The following NUTM2E variants were observed in gnomAD, a reference collection of about 807,000 sequenced individuals.
The protein encoded by NUTM2E is family with sequence similarity 22, member E.
NUTM2E carries 3 observed loss-of-function variants against 26.1 expected under a neutral mutation model. The observed-to-expected ratio is 0.12, with a 90% CI of 0.05 to 0.30. NUTM2E has a LOEUF of 0.30. Among genes scored for constraint, NUTM2E ranks in the 10% least tolerant of loss-of-function variants. The probability of loss-of-function intolerance (pLI) is 1.00; values close to 1 mark genes in which losing one functional copy is unlikely to be tolerated. For synonymous variants in NUTM2E, 13 were observed against 157.5 expected, an observed-to-expected ratio of 0.08 and a Z score of 6.87; for missense variants, 62 against 381.3, an observed-to-expected ratio of 0.16 and a Z score of 6.97.
chr10:79,838,659 C>A (rs1232572130), intron 2 of NUTM2E, among the ~76,000 whole-genome samples, 73 bp downstream of exon 2: 1 of 151,382 alleles, frequency 6.6e-6, no homozygotes, highest in Non-Finnish European at 1.5e-5. Context: ...ACGCTTCCGC[C>A]TTGAGCACAG....
In NUTM2E at chr10:79,827,007, G is replaced by GTCGCCTCGCCTCGCC. The variant is rs57348880; in HGVS notation, c.-3076_-3062dup. The GTCGCCTCGCCTCGCC allele has an allele frequency of 1.6e-4, 18 of 113,854 alleles. No homozygotes were observed. Among genetic ancestry groups the GTCGCCTCGCCTCGCC allele is most frequent in the South Asian group, 3.5e-4 (1 of 2,872 alleles). The allele number at this position is 113,854 out of a possible 1,614,324, so 7.1% of individuals were successfully genotyped here. A position where few individuals can be genotyped will look rare whatever the true frequency, so the allele number is the denominator to read the frequency against. On this transcript the variant is annotated 5_prime_UTR_variant, in exon 1 of 10. Coordinates refer to ENST00000429984, the MANE Select transcript of NUTM2E (RefSeq NM_001355263.2). ...GTTCTCCCTAAGCACCCTCGCTCAC[G>GTCGCCTCGCCTCGCC]TCGCCTCGCCTCGCCTGACCGGCCG...
chr10:79,834,400 T>G lies in NUTM2E; in HGVS notation c.-2727-3909T>G, dbSNP rs1246054707. The stretch of plus-strand genomic sequence containing the variant: ...TAATATTTCTCACCTTTTCTAGATA[T>G]AAATTTAATTCACAGTTGGGCAGGG... On this transcript the variant is annotated intron_variant, in intron 1 of 9. Coordinates refer to ENST00000429984, the MANE Select transcript of NUTM2E (RefSeq NM_001355263.2). Among the ~76,000 whole-genome samples, 3 of 151,784 alleles carry G rather than the reference T, an allele frequency of 2.0e-5. No homozygotes were observed. The East Asian group carries it at 5.8e-4, about 29-fold the overall frequency.
At chr10:79,827,800 TTTTTTTTTG>T (rs1157520017) in intron 1 of NUTM2E, among the ~76,000 whole-genome samples, 1 of 141,254 alleles carries the variant, frequency 7.1e-6, no homozygotes, top group Non-Finnish European at 1.6e-5. Flanking sequence ...TTTTTGTTTT[TTTTTTTTTG>T]TTTTTTTTTG....
intron 1 of NUTM2E, among the ~76,000 whole-genome samples, chr10:79,837,461 T>C (rs1226771695): frequency 3.3e-5 from 5 of 152,182 alleles, no homozygotes; most frequent in Non-Finnish European, 5.9e-5. Context: ...TAGTTTTGAT[T>C]TGATGAGCAA....
chr10:79,843,838 C>T (rs1277252955), intron 4 of NUTM2E, among the ~76,000 whole-genome samples: 11 of 140,316 alleles, frequency 7.8e-5, no homozygotes, highest in East Asian at 2.1e-4. Flanking sequence ...ACCACCAGGC[C>T]GCTGAGAGAC....
At chr10:79,833,637 A>G (rs567030957) in intron 1 of NUTM2E, among the ~76,000 whole-genome samples, 11 of 151,882 alleles carry the variant, frequency 7.2e-5, no homozygotes, top group African/African-American at 2.7e-4. Flanking sequence ...TCATTACAGA[A>G]ATGCAAATCA....
chr10:79,840,165 A>T lies in NUTM2E; in HGVS notation c.-1576A>T, dbSNP rs1401952927. On this transcript the variant is annotated 5_prime_UTR_variant, in exon 4 of 10. Coordinates refer to ENST00000429984, the MANE Select transcript of NUTM2E (RefSeq NM_001355263.2). The stretch of plus-strand genomic sequence containing the variant: ...TCTGAGTATGATATTTTGCTTCAAC[A>T]TCCCTCTTAGATGAAGTTATTGATT... Among the ~76,000 whole-genome samples, 5 of 129,136 alleles carry T rather than the reference A, an allele frequency of 3.9e-5. No homozygotes were observed. The highest frequency in any genetic ancestry group is 3.2e-4 in the Admixed American group (4 of 12,650). The allele number at this position is 129,136 out of a possible 152,430, so 84.7% of individuals were successfully genotyped here.
rs1248498156 is a variant in NUTM2E, at chr10:79,847,211, C to A, written c.1211+253C>A. On this transcript the variant is annotated intron_variant, in intron 6 of 9. Transcript: ENST00000429984. ...CCTGCCTTGACACTGGAGGTCATGGCAGGAGCAGCCAGCATCACAGCCCAA... is the reference window on the plus strand; with the variant it reads ...CCTGCCTTGACACTGGAGGTCATGGAAGGAGCAGCCAGCATCACAGCCCAA... Among the ~76,000 whole-genome samples the A allele has an allele frequency of 6.9e-3, 787 of 114,562 alleles. 15 individuals carry two copies. Among genetic ancestry groups the A allele is most frequent in the African/African-American group, 0.02 (739 of 36,300 alleles). The allele number at this position is 114,562 out of a possible 152,430, so 75.2% of individuals were successfully genotyped here. A position where few individuals can be genotyped will look rare whatever the true frequency, so the allele number is the denominator to read the frequency against.
chr10:79,830,490 C>T (rs4933854), intron 1 of NUTM2E, among the ~76,000 whole-genome samples: 125,112 of 151,466 alleles, frequency 0.83, 52,350 homozygotes, highest in East Asian at 0.99. Context: ...GAAAATTTTA[C>T]ATATGTAAAA....
rs551064195 is a variant in NUTM2E at position 79,827,428 on chromosome 10, A to G, written c.-2728+71A>G. The G allele has an allele frequency of 5.3e-5, 8 of 151,646 alleles. 1 individual carries two copies. The highest frequency in any genetic ancestry group is 7.3e-5 in the African/African-American group (3 of 41,326). The allele number at this position is 151,646 out of a possible 1,614,324, so 9.4% of individuals were successfully genotyped here. A position where few individuals can be genotyped will look rare whatever the true frequency, so the allele number is the denominator to read the frequency against. ...TGACAGCATTTGTATTTTTAATTAC[A>G]GATAGGATTACACTAAAAGTCATTT... On this transcript the variant is annotated intron_variant, in intron 1 of 9. Transcript: ENST00000429984.
At chr10:79,834,631 A>G (rs1201429828) in intron 1 of NUTM2E, among the ~76,000 whole-genome samples, 1 of 150,546 alleles carries the variant, frequency 6.6e-6, no homozygotes, top group Non-Finnish European at 1.5e-5. Context: ...TCACGCCACC[A>G]TACTCCAGCC....
At chr10:79,844,044 CA>C (rs1331977173) in intron 4 of NUTM2E, 128 bp from the exon 5 acceptor site, 5 of 176,576 alleles carry the variant, frequency 2.8e-5, no homozygotes, top group Non-Finnish European at 5.6e-5. Context: ...GATGCACACT[CA>C]GGGACATTTG....
intron 1 of NUTM2E, among the ~76,000 whole-genome samples, chr10:79,831,306 A>G (rs1841925870): frequency 6.6e-6 from 1 of 151,500 alleles, no homozygotes; most frequent in Admixed American, 6.6e-5. Flanking sequence ...GAAGTAAACT[A>G]CTTAACAGTT....
rs1841890634 is a variant in NUTM2E at position 79,827,276 on chromosome 10, G to A, written c.-2809G>A. 6.5e-6 allele frequency: 1 copy of A among 153,060 alleles called. No homozygotes were observed. Among genetic ancestry groups the A allele is most frequent in the African/African-American group, 2.4e-5 (1 of 41,310 alleles). 9.5% of individuals were successfully genotyped at this position (153,060 alleles called of 1,614,324 possible). On this transcript the variant is annotated 5_prime_UTR_variant, in exon 1 of 10. Transcript: ENST00000429984. ...ACTGTGCGGGATTATTCAACAAGCC[G>A]ATTGATCACATTCTTCAGCTCTAGC...
At chr10:79,829,004 A>G (rs527970861) in intron 1 of NUTM2E, among the ~76,000 whole-genome samples, 4 of 151,988 alleles carry the variant, frequency 2.6e-5, no homozygotes, top group East Asian at 3.9e-4. Flanking sequence ...TATTTATAAT[A>G]TAACTGTTGA....
At position 79,844,249 on chromosome 10, in the gene NUTM2E, C is replaced by CA. The variant is rs1842012056; in HGVS notation, c.460dup (p.Thr154AsnfsTer117). ...CTGTGTTCACGGCTCTGCCCTTCACCACACCCGCTCCCGGCCCAGCACACG... is the reference window on the plus strand; with the variant it reads ...CTGTGTTCACGGCTCTGCCCTTCACCAACACCCGCTCCCGGCCCAGCACACG... On this transcript the variant is annotated frameshift_variant, in exon 5 of 10. Coordinates refer to ENST00000429984, the MANE Select transcript of NUTM2E (RefSeq NM_001355263.2). LOFTEE classifies it high-confidence loss of function. 1 of 428,706 alleles carries CA rather than the reference C, an allele frequency of 2.3e-6. No individual in the cohort carries two copies. Among genetic ancestry groups the CA allele is most frequent in the Non-Finnish European group, 3.9e-6 (1 of 254,202 alleles). The allele number at this position is 428,706 out of a possible 1,614,324, so 26.6% of individuals were successfully genotyped here. A position where few individuals can be genotyped will look rare whatever the true frequency, so the allele number is the denominator to read the frequency against.
chr10:79,838,768 C>A lies in NUTM2E; in HGVS notation c.-2449-12C>A, dbSNP rs1335738144. 2.0e-5 allele frequency among the ~76,000 whole-genome samples: 3 copies of A among 151,972 alleles called. No homozygotes were observed. The highest frequency in any genetic ancestry group is 7.2e-5 in the African/African-American group (3 of 41,410). ...GTGATTACCTTCTGATCACCCTTGGCTTTATTTTTAGGTAACACCAAGAAG... is the reference window on the plus strand; with the variant it reads ...GTGATTACCTTCTGATCACCCTTGGATTTATTTTTAGGTAACACCAAGAAG... On this transcript the variant is annotated splice_polypyrimidine_tract_variant and intron_variant, in intron 2 of 9. Coordinates refer to ENST00000429984, the MANE Select transcript of NUTM2E (RefSeq NM_001355263.2).
chr10:79,830,028 T>C (rs745601841), intron 1 of NUTM2E, among the ~76,000 whole-genome samples: 34 of 151,728 alleles, frequency 2.2e-4, no homozygotes, highest in Non-Finnish European at 4.6e-4. Flanking sequence ...GCATACCTTT[T>C]AAAATAATAA....
intron 1 of NUTM2E, among the ~76,000 whole-genome samples, chr10:79,834,726 A>C (rs2132415149): frequency 6.7e-6 from 1 of 149,918 alleles, no homozygotes; most frequent in African/African-American, 2.4e-5. Context: ...TTTAATTCAC[A>C]GTTGTAACCA....
Sources: allele counts gnomAD v4.1 joint callset (sites outside exome capture counted in the v4.1 genomes callset), GRCh38; gene constraint gnomAD v4.1.1; transcripts MANE v1.5; gene names NCBI Gene and HGNC (gene_info 2026-07-23, HGNC 2026-07-21).